Variants in KALRN observed in about 807,000 individuals in gnomAD.
The protein encoded by KALRN is kalirin RhoGEF kinase.
KALRN carries 70 observed loss-of-function variants against 353.7 expected under a neutral mutation model. The observed-to-expected ratio is 0.20, with a 90% CI of 0.16 to 0.24. The LOEUF is 0.24. Among genes scored for constraint, KALRN ranks in the 10% least tolerant of loss-of-function variants. The pLI, the probability that KALRN is intolerant of heterozygous loss-of-function variation, is 1.00. For missense variants in KALRN, 2,791 were observed against 3,756.7 expected (o/e 0.74, Z 6.72); for synonymous variants, 1,391 against 1,434.8 (o/e 0.97, Z 0.69).
rs778346390 is a variant in KALRN at position 124,719,513 on chromosome 3, A to G, written c.*43A>G. 7 of 1,546,106 alleles carry G rather than the reference A, an allele frequency of 4.5e-6. No individual in the cohort carries two copies. Among genetic ancestry groups the G allele is most frequent in the Non-Finnish European group, 6.2e-6 (7 of 1,132,216 alleles). On this transcript the variant is annotated 3_prime_UTR_variant, in exon 60 of 60. Coordinates refer to ENST00000682506, the MANE Select transcript of KALRN (RefSeq NM_001388419.1). This position sits in a 1 kb window ranked among gnomAD's most constrained non-coding sequence, Gnocchi z 5.3. ...TGGTTTCACATAGACGTGCAGTGTG[A>G]ACCAAAGCAAGACTGAATGTGACTG...
rs1008084229 is a variant in KALRN at position 124,655,073 on chromosome 3, T to C, written c.5796-528T>C. On this transcript the variant is annotated intron_variant, in intron 38 of 59. Transcript: ENST00000682506. ...GTTACCATGATACCTATCTGAATAATTGCAGCTTCCATATCTTAAAAACTT... is the reference window on the plus strand; with the variant it reads ...GTTACCATGATACCTATCTGAATAACTGCAGCTTCCATATCTTAAAAACTT... 2.2e-4 allele frequency among the ~76,000 whole-genome samples: 33 copies of C among 152,224 alleles called. 1 individual carries two copies. The highest frequency in any genetic ancestry group is 4.4e-5 in the Non-Finnish European group (3 of 68,046).
At chr3:124,405,959 A>C (rs1299479415) in intron 13 of KALRN, among the ~76,000 whole-genome samples, 2 of 152,198 alleles carry the variant, frequency 1.3e-5, no homozygotes, top group Admixed American at 1.3e-4. Flanking sequence ...TCTCAGTTTT[A>C]ATCATGATGA....
At chr3:124,538,521 C>G (rs1039638516) in intron 33 of KALRN, among the ~76,000 whole-genome samples, 3 of 152,082 alleles carry the variant, frequency 2.0e-5, no homozygotes, top group Non-Finnish European at 4.4e-5. Context: ...AGATAATTTT[C>G]CATAGAGAAA....
intron 2 of KALRN, 123 bp from the exon 3 acceptor site, chr3:124,234,706 C>A: frequency 1.4e-6 from 1 of 719,928 alleles, no homozygotes; most frequent in Non-Finnish European, 2.4e-6. Context: ...AAGCAGTGAC[C>A]AGATTTCTCT....
chr3:124,042,594 A>G (rs1007602778), intron 1 of KALRN, among the ~76,000 whole-genome samples: 17 of 152,198 alleles, frequency 1.1e-4, no homozygotes, highest in African/African-American at 3.4e-4. Flanking sequence ...TGATGTGTCA[A>G]GAAAGAGATA....
At chr3:124,167,128 G>A (rs2070992680) in intron 1 of KALRN, among the ~76,000 whole-genome samples, 1 of 152,128 alleles carries the variant, frequency 6.6e-6, no homozygotes, top group Non-Finnish European at 1.5e-5. Context: ...TGGAGTGGGG[G>A]TGGACCAAGA....
chr3:124,298,687 G>T, intron 5 of KALRN, 104 bp from the exon 6 acceptor site: 1 of 1,309,894 alleles, frequency 7.6e-7, no homozygotes, highest in Non-Finnish European at 1.1e-6. Context: ...GGTTCTCACT[G>T]AGCACCAGCA....
chr3:124,112,811 C>T (rs982350298), intron 1 of KALRN, among the ~76,000 whole-genome samples: 9 of 151,928 alleles, frequency 5.9e-5, no homozygotes, highest in African/African-American at 7.3e-5. Flanking sequence ...TTTTTGGTCA[C>T]GAGCAGCTGA....
At chr3:124,100,954 T>A (rs1045251780) in intron 1 of KALRN, among the ~76,000 whole-genome samples, 2 of 152,132 alleles carry the variant, frequency 1.3e-5, no homozygotes, top group African/African-American at 4.8e-5. Context: ...AACATGGATG[T>A]CAGAGAGTAA....
At chr3:124,277,464 G>A (rs1383449359) in intron 5 of KALRN, among the ~76,000 whole-genome samples, 2 of 152,122 alleles carry the variant, frequency 1.3e-5, no homozygotes, top group Non-Finnish European at 2.9e-5. Flanking sequence ...CAGCCTGCTG[G>A]TCCTGGGAAT....
intron 34 of KALRN, among the ~76,000 whole-genome samples, chr3:124,612,662 C>A (rs780847219): frequency 5.9e-5 from 9 of 152,014 alleles, no homozygotes; most frequent in African/African-American, 9.7e-5. Flanking sequence ...TAAAACTGTT[C>A]AATACTACTG....
intron 3 of KALRN, 92 bp downstream of exon 3, chr3:124,235,035 T>TA (rs1406821118): frequency 3.6e-6 from 3 of 828,406 alleles, no homozygotes; most frequent in Non-Finnish European, 6.0e-6. Flanking sequence ...CCAGGGACCC[T>TA]AGTGGTTTCT....
At chr3:124,555,306 C>T (rs1466580571) in intron 33 of KALRN, among the ~76,000 whole-genome samples, 5 of 152,034 alleles carry the variant, frequency 3.3e-5, no homozygotes, top group African/African-American at 4.8e-5. Context: ...CCGAGGTGGG[C>T]GGATCACGAG....
chr3:124,439,412 C>T (rs2093602863), intron 18 of KALRN, among the ~76,000 whole-genome samples: 1 of 152,274 alleles, frequency 6.6e-6, no homozygotes, highest in East Asian at 1.9e-4. Context: ...TACACTGTTA[C>T]TACTACTGCA....
At chr3:124,613,906 C>T (rs921744113) in intron 34 of KALRN, among the ~76,000 whole-genome samples, 1 of 152,202 alleles carries the variant, frequency 6.6e-6, no homozygotes, top group Non-Finnish European at 1.5e-5. Context: ...GTTCTATGTC[C>T]TGATGATCTT....
rs2063363700 is a variant in KALRN, at chr3:124,722,007, T to C, written c.*2537T>C. 1 of 152,252 alleles carries C rather than the reference T, an allele frequency of 6.6e-6. No individual in the cohort carries two copies. The highest frequency in any genetic ancestry group is 1.5e-5 in the Non-Finnish European group (1 of 68,092). The allele number at this position is 152,252 out of a possible 1,614,324, so 9.4% of individuals were successfully genotyped here. ...ATAGGGTTTGTCATGGGACAAACTGTAGGCTCTGAGGATTCCCAATATCCA... is the reference window on the plus strand; with the variant it reads ...ATAGGGTTTGTCATGGGACAAACTGCAGGCTCTGAGGATTCCCAATATCCA... On this transcript the variant is annotated 3_prime_UTR_variant, in exon 60 of 60. Coordinates refer to ENST00000682506, the MANE Select transcript of KALRN (RefSeq NM_001388419.1).
At chr3:124,086,942 C>G (rs1226994185) in intron 1 of KALRN, among the ~76,000 whole-genome samples, 1 of 152,210 alleles carries the variant, frequency 6.6e-6, no homozygotes, top group Non-Finnish European at 1.5e-5. Context: ...TTTAACCCAA[C>G]AGTATGTCTT....
At chr3:124,323,339 A>G (rs1469433086) in intron 6 of KALRN, among the ~76,000 whole-genome samples, 2 of 152,088 alleles carry the variant, frequency 1.3e-5, no homozygotes, top group Non-Finnish European at 1.5e-5. Flanking sequence ...CACTTGCTTC[A>G]TTTTGCCTTA....
chr3:124,472,953 A>AT (rs997005086), intron 25 of KALRN, among the ~76,000 whole-genome samples: 11 of 152,194 alleles, frequency 7.2e-5, no homozygotes, highest in Admixed American at 3.3e-4. Context: ...AGTCTCCCAG[A>AT]TTTTTTTTAA....
Sources: allele counts gnomAD v4.1 joint callset (sites outside exome capture counted in the v4.1 genomes callset), GRCh38; gene constraint gnomAD v4.1.1; non-coding constraint Gnocchi (gnomAD v3.1); transcripts MANE v1.5; gene names NCBI Gene and HGNC (gene_info 2026-07-23, HGNC 2026-07-21).